Variants in SMC2 observed in about 807,000 individuals in gnomAD.
SMC2 encodes structural maintenance of chromosomes 2, also known as structural maintenance of chromosomes protein 2.
Under a neutral mutation model 142.6 loss-of-function variants are expected in SMC2, and 41 were observed. The observed-to-expected ratio is 0.29, with a 90% CI of 0.22 to 0.37. The LOEUF (loss-of-function observed/expected upper bound fraction) is 0.37. Among genes scored for constraint, SMC2 ranks in the 10% least tolerant of loss-of-function variants. The pLI, the probability that SMC2 is intolerant of heterozygous loss-of-function variation, is 1.00. For synonymous variants in SMC2, 463 were observed against 457.5 expected, an observed-to-expected ratio of 1.01 and a Z score of -0.15; for missense variants, 1,265 against 1,373.7, an observed-to-expected ratio of 0.92 and a Z score of 1.25.
intron 9 of SMC2, among the ~76,000 whole-genome samples, chr9:104,102,931 ATAAGCT>A (rs1488055488): frequency 6.6e-6 from 1 of 152,166 alleles, no homozygotes; most frequent in Non-Finnish European, 1.5e-5. Flanking sequence ...AACGGGTTTG[ATAAGCT>A]TAAGAAATAC....
At chr9:104,126,112 T>A (rs1834236095) in intron 18 of SMC2, among the ~76,000 whole-genome samples, 1 of 152,112 alleles carries the variant, frequency 6.6e-6, no homozygotes, top group African/African-American at 2.4e-5. Context: ...TGCATATTCC[T>A]TATGAGAATC....
chr9:104,090,640 C>CT (rs1208718060), upstream of SMC2, among the ~76,000 whole-genome samples: 2 of 152,146 alleles, frequency 1.3e-5, no homozygotes, highest in Non-Finnish European at 2.9e-5. Context: ...TGCTTCAGAT[C>CT]TTTAAGAGCT....
chr9:104,132,870 A>T (rs1487831515), intron 22 of SMC2, among the ~76,000 whole-genome samples: 6 of 149,924 alleles, frequency 4.0e-5, no homozygotes, highest in Admixed American at 1.3e-4. Context: ...TCCCACCAGG[A>T]TTCGTGGACT....
At chr9:104,120,596 G>A (rs1444376560) in intron 16 of SMC2, among the ~76,000 whole-genome samples, 1 of 152,128 alleles carries the variant, frequency 6.6e-6, no homozygotes, top group Non-Finnish European at 1.5e-5. Context: ...CATATATCAA[G>A]GATCTGCTAG....
At chr9:104,113,109 T>G (rs1832675947) in intron 10 of SMC2, among the ~76,000 whole-genome samples, 1 of 152,146 alleles carries the variant, frequency 6.6e-6, no homozygotes, top group Non-Finnish European at 1.5e-5. Flanking sequence ...TACATATTAA[T>G]CATATATTAG....
At chr9:104,130,913 CTTTT>C (rs933027277) in intron 21 of SMC2, among the ~76,000 whole-genome samples, 37 of 150,908 alleles carry the variant, frequency 2.5e-4, no homozygotes, top group African/African-American at 8.5e-4. Context: ...AGCAGATGGC[CTTTT>C]TTTTTCTTGT....
At chr9:104,112,551 A>G (rs1248647922) in intron 10 of SMC2, among the ~76,000 whole-genome samples, 5 of 152,108 alleles carry the variant, frequency 3.3e-5, no homozygotes, top group African/African-American at 4.8e-5. Context: ...TATATTTGCA[A>G]CTTTTTCATT....
In SMC2 at chr9:104,095,418, A is replaced by T; in HGVS notation, c.34A>T (p.Lys12Ter). The T allele has an allele frequency of 6.2e-7, 1 of 1,613,678 alleles. No homozygotes were observed. Among genetic ancestry groups the T allele is most frequent in the Non-Finnish European group, 8.5e-7 (1 of 1,179,952 alleles). The change falls in exon 2 of 25, where the codon AAG becomes TAG. Residue 12 changes from lysine (K) to a stop codon, truncating the protein, a stop_gained. Transcript: ENST00000374793. LOFTEE classifies it high-confidence loss of function. ...TAAGTCAATTATTCTAGAGGGATTCAAGTCCTATGCTCAGAGGACCGAAGT... is the reference window on the plus strand; with the variant it reads ...TAAGTCAATTATTCTAGAGGGATTCTAGTCCTATGCTCAGAGGACCGAAGT... ...HIKSIILEGF[K>*]SYAQRTEVNG...
chr9:104,120,101 A>G lies in SMC2; in HGVS notation c.2071A>G (p.Lys691Glu), dbSNP rs368177715. The change falls in exon 16 of 25, where the codon AAA (lysine) becomes GAA (glutamate). Residue 691 changes from lysine to glutamate, a missense_variant. Around this residue, in one of 4 missense-constraint regions of SMC2, gnomAD observed 898 missense variants for 904.2 expected, o/e 0.99. Coordinates refer to ENST00000374793, the MANE Select transcript of SMC2 (RefSeq NM_006444.3). ...AGATGTTCAGGATGAACTGAGAATC[A>G]AAGAGAATGAGCTGCGGGCTCTAGA... ...LKDVQDELRI[K>E]ENELRALEEE... The G allele has an allele frequency of 1.9e-6, 3 of 1,614,050 alleles. No homozygotes were observed. The highest frequency in any genetic ancestry group is 1.7e-6 in the Non-Finnish European group (2 of 1,179,944).
intron 16 of SMC2, among the ~76,000 whole-genome samples, chr9:104,121,192 G>A (rs1833690627): frequency 6.6e-6 from 1 of 152,248 alleles, no homozygotes; most frequent in East Asian, 1.9e-4. Context: ...ACTTAACAAA[G>A]TGCATTGTTT....
At chr9:104,100,759 T>C (rs1831024386) in intron 7 of SMC2, among the ~76,000 whole-genome samples, 1 of 152,206 alleles carries the variant, frequency 6.6e-6, no homozygotes, top group South Asian at 2.1e-4. Context: ...TAAGGCACTC[T>C]TAGACACCCT....
At chr9:104,100,062 A>G (rs1216789308) in intron 5 of SMC2, 31 bp from the exon 6 acceptor site, 2 of 1,194,710 alleles carry the variant, frequency 1.7e-6, no homozygotes, top group African/African-American at 3.1e-5. Flanking sequence ...ATTGTCTTGG[A>G]TACTAAACAT....
At chr9:104,088,886 T>C in the SMC2 span, among the ~76,000 whole-genome samples, 1 of 152,026 alleles carries the variant, frequency 6.6e-6, no homozygotes, top group East Asian at 1.9e-4. Context: ...AGGCATTCTA[T>C]AAATGCCTAT....
At chr9:104,101,506 T>C (rs565305278) in intron 7 of SMC2, among the ~76,000 whole-genome samples, 1 of 152,352 alleles carries the variant, frequency 6.6e-6, no homozygotes, top group South Asian at 2.1e-4. Context: ...TTGTTTTTTA[T>C]GTATAAATTA....
chr9:104,097,858 G>A (rs895140793), intron 3 of SMC2, among the ~76,000 whole-genome samples: 2 of 152,202 alleles, frequency 1.3e-5, no homozygotes, highest in African/African-American at 2.4e-5. Context: ...GAGAAACAGA[G>A]CTTGTCTTTA....
intron 16 of SMC2, among the ~76,000 whole-genome samples, chr9:104,121,849 C>T (rs980998489): frequency 3.3e-5 from 5 of 152,052 alleles, no homozygotes; most frequent in African/African-American, 9.7e-5. Context: ...GGCCCGATCT[C>T]GGCTCACTGC....
At chr9:104,128,044 C>T (rs1267436748) in intron 20 of SMC2, among the ~76,000 whole-genome samples, 2 of 152,198 alleles carry the variant, frequency 1.3e-5, no homozygotes, top group Non-Finnish European at 2.9e-5. Flanking sequence ...AAAGATAACA[C>T]GTGCTTTTGC....
At chr9:104,136,504 A>C (rs942739744) in intron 23 of SMC2, among the ~76,000 whole-genome samples, 3 of 152,108 alleles carry the variant, frequency 2.0e-5, no homozygotes, top group African/African-American at 7.2e-5. Flanking sequence ...ACTGGGACCT[A>C]TAAATTATTT....
Position 104,124,153 on chromosome 9 carries a change from G to A in SMC2, c.2258-759G>A, listed in dbSNP as rs975101429. On this transcript the variant is annotated intron_variant, in intron 17 of 24. Transcript: ENST00000374793. Reference sequence around the variant, plus strand: ...TGTCCCCAGGCTGGAGTGCAGTGGCGCAATCTCAGCTCACTGCAACCTCCA... The same window carrying A: ...TGTCCCCAGGCTGGAGTGCAGTGGCACAATCTCAGCTCACTGCAACCTCCA... Among the ~76,000 whole-genome samples the A allele has an allele frequency of 5.9e-5, 9 of 152,196 alleles. No individual in the cohort carries two copies. The South Asian group carries it at 6.2e-4, about 11-fold the overall frequency.
Sources: gnomAD v4.1 joint callset for allele counts (sites outside exome capture counted in the v4.1 genomes callset) on GRCh38, gnomAD v4.1.1 for gene constraint, gnomAD v4.1.1 regional missense constraint, MANE v1.5 for transcripts, NCBI Gene and HGNC (gene_info 2026-07-23, HGNC 2026-07-21) for gene names.